SLC17A4: variants seen among roughly 807,000 people sequenced by gnomAD.
SLC17A4 encodes the protein solute carrier family 17 member 4.
In SLC17A4, 33 loss-of-function variants were observed where a neutral mutation model predicts 52.5. That is an observed-to-expected ratio of 0.63 (90% CI 0.48 to 0.84). The LOEUF is 0.84. SLC17A4 is among the 40% of genes least tolerant of loss of function. The probability of loss-of-function intolerance (pLI) is 0.00; values close to 1 mark genes in which losing one functional copy is unlikely to be tolerated. For missense variants in SLC17A4, 585 were observed against 597.1 expected (o/e 0.98, Z 0.21); for synonymous variants, 225 against 216.2 (o/e 1.04, Z -0.36).
intron 2 of SLC17A4, among the ~76,000 whole-genome samples, chr6:25,764,682 C>G (rs1761854094): frequency 6.6e-6 from 1 of 152,120 alleles, no homozygotes; most frequent in Non-Finnish European, 1.5e-5. Flanking sequence ...GTGGCAGTGT[C>G]CAGAAGCTGG....
chr6:25,779,342 G>T lies in SLC17A4; in HGVS notation c.*154G>T, dbSNP rs989951506. On this transcript the variant is annotated 3_prime_UTR_variant, in exon 12 of 12. Coordinates refer to ENST00000377905, the MANE Select transcript of SLC17A4 (RefSeq NM_005495.3). ...TTACCATGCCTGGAAATTTTACAGG[G>T]GAAGAAAACACGCTAGTTATTTAAC... 1.0e-4 allele frequency: 101 copies of T among 998,368 alleles called. No homozygotes were observed. In the East Asian group the frequency reaches 2.7e-3, roughly 26 times the overall value. The allele number at this position is 998,368 out of a possible 1,614,324, so 61.8% of individuals were successfully genotyped here.
At chr6:25,773,246 C>A (rs1376158781) in intron 6 of SLC17A4, 29 bp from the exon 7 acceptor site, 1 of 1,541,312 alleles carries the variant, frequency 6.5e-7, no homozygotes, top group South Asian at 1.1e-5. Context: ...TTCAATCCAT[C>A]CAGTGCTAAC....
chr6:25,769,983 A>G (rs1204651649), intron 3 of SLC17A4, 84 bp from the exon 4 acceptor site: 20 of 1,166,882 alleles, frequency 1.7e-5, no homozygotes, highest in Admixed American at 9.3e-5. Context: ...ATAACTGCCA[A>G]TTAATTTTTG....
At chr6:25,777,762 C>T in intron 10 of SLC17A4, 164 bp from the exon 11 acceptor site, 1 of 603,860 alleles carries the variant, frequency 1.7e-6, no homozygotes, top group East Asian at 2.7e-5. Context: ...TTCACCAAGG[C>T]TTACACAATT....
At chr6:25,763,345 A>G (rs1761716717) in intron 2 of SLC17A4, among the ~76,000 whole-genome samples, 1 of 152,224 alleles carries the variant, frequency 6.6e-6, no homozygotes, top group Admixed American at 6.5e-5. Context: ...AATAAGGCAG[A>G]ACCCCAGCTA....
chr6:25,763,964 A>G (rs4712969), intron 2 of SLC17A4, among the ~76,000 whole-genome samples: 138,479 of 152,236 alleles, frequency 0.91, 63,107 homozygotes, highest in East Asian at 0.98. Flanking sequence ...AGATTCCACA[A>G]ACGTTGGAAG....
At chr6:25,763,476 C>T (rs1301132285) in intron 2 of SLC17A4, among the ~76,000 whole-genome samples, 4 of 152,182 alleles carry the variant, frequency 2.6e-5, no homozygotes, top group African/African-American at 9.7e-5. Flanking sequence ...ATTCTCATCC[C>T]CTTCTCTGGC....
chr6:25,755,014 G>C (rs192499229), intron 1 of SLC17A4, among the ~76,000 whole-genome samples: 1 of 149,056 alleles, frequency 6.7e-6, no homozygotes, highest in Non-Finnish European at 1.5e-5. Flanking sequence ...TAAAAGTATA[G>C]CTGAACAGAG....
chr6:25,770,127 G>T lies in SLC17A4; in HGVS notation c.358G>T (p.Gly120Cys), dbSNP rs1364985330. 1.2e-6 allele frequency: 2 copies of T among 1,614,060 alleles called. No individual in the cohort carries two copies. Among genetic ancestry groups the T allele is most frequent in the Non-Finnish European group, 1.7e-6 (2 of 1,179,978 alleles). Residue 120 changes from glycine to cysteine, a missense_variant, in exon 4 of 12, where the codon GGC (glycine) becomes TGC (cysteine). Gly to Cys is a radical substitution (Grantham distance 159, BLOSUM62 -3). Coordinates refer to ENST00000377905, the MANE Select transcript of SLC17A4 (RefSeq NM_005495.3). ...AATCATCCTCAGCTCCCTCAACTAT[G>T]GCTCATTCTTGGCTCCAATCCCCAG... Reference protein sequence around the residue: ...QGIILSSLNYGSFLAPIPSGY... With the variant: ...QGIILSSLNYCSFLAPIPSGY...
chr6:25,762,066 A>G lies in SLC17A4; in HGVS notation c.91+13A>G. On this transcript the variant is annotated intron_variant, in intron 2 of 11. Transcript: ENST00000377905. ...TGCTCCAGGAAAGGTAAAATCATGC[A>G]CAGTAATCTGGTAGTAAATAAAACT... The G allele has an allele frequency of 6.2e-7, 1 of 1,608,658 alleles. No individual in the cohort carries two copies. Among genetic ancestry groups the G allele is most frequent in the African/African-American group, 1.3e-5 (1 of 74,920 alleles).
chr6:25,769,225 C>G, intron 3 of SLC17A4, 35 bp downstream of exon 3: 1 of 1,552,348 alleles, frequency 6.4e-7, no homozygotes, highest in Non-Finnish European at 8.9e-7. Context: ...CTTTCTTTGA[C>G]TCAAATAATT....
intron 8 of SLC17A4, among the ~76,000 whole-genome samples, chr6:25,773,897 T>G (rs966457011): frequency 1.3e-5 from 2 of 152,174 alleles, no homozygotes; most frequent in African/African-American, 4.8e-5. Context: ...AGTTTGATTT[T>G]CATACACTAT....
At position 25,771,868 on chromosome 6, in the gene SLC17A4, T is replaced by C. The variant is rs190722040; in HGVS notation, c.706+856T>C. On this transcript the variant is annotated intron_variant, in intron 6 of 11. Transcript: ENST00000377905. ...TGCTGCAGAAAGGTTCCAAAGACAC[T>C]TGGAAAGTTCCAGAGGCAGTATTTT... Among the ~76,000 whole-genome samples, 247 of 152,280 alleles carry C rather than the reference T, an allele frequency of 1.6e-3. 2 individuals carry two copies. Among genetic ancestry groups the C allele is most frequent in the Non-Finnish European group, 9.1e-4 (62 of 68,024 alleles).
rs201472019 is a variant in SLC17A4 at position 25,773,277 on chromosome 6, G to A, written c.709G>A (p.Gly237Arg). The A allele has an allele frequency of 2.7e-5, 44 of 1,612,974 alleles. No individual in the cohort carries two copies. Among genetic ancestry groups the A allele is most frequent in the Middle Eastern group, 1.6e-4 (1 of 6,076 alleles). ...CTAACTGGATCCCCTTTTCCTAGGA[G>A]GAATTGGCTGTGCTTGTTGTCCTCT... ...GWPYVFYIFG[G>R]IGCACCPLWF... is the part of the protein sequence containing the mutation. Residue 237 changes from glycine to arginine, a missense_variant and splice_region_variant, in exon 7 of 12, where the codon GGA becomes AGA. Gly to Arg is a moderately radical substitution (Grantham distance 125, BLOSUM62 -2). Transcript: ENST00000377905.
In SLC17A4 at chr6:25,773,381, A is replaced by C; in HGVS notation, c.813A>C (p.Ser271=). 6.2e-7 allele frequency: 1 copy of C among 1,613,822 alleles called. No individual in the cohort carries two copies. Among genetic ancestry groups the C allele is most frequent in the African/African-American group, 1.3e-5 (1 of 75,030 alleles). The part of the protein sequence containing the change: ...SAGEKRYIVC[S]LAQQDCSPGW... Reference sequence around the variant, plus strand: ...GTGAGAAGAGATACATTGTGTGTTCATTGGCTCAGCAGGTACATTGAGGAA... The same window carrying C: ...GTGAGAAGAGATACATTGTGTGTTCCTTGGCTCAGCAGGTACATTGAGGAA... Residue 271 remains serine, a synonymous_variant, in exon 7 of 12, where the codon TCA becomes TCC. Coordinates refer to ENST00000377905, the MANE Select transcript of SLC17A4 (RefSeq NM_005495.3).
chr6:25,773,795 T>C (rs1762674721), intron 8 of SLC17A4, 121 bp downstream of exon 8: 4 of 948,060 alleles, frequency 4.2e-6, no homozygotes, highest in Non-Finnish European at 6.2e-6. Context: ...AGGCAGGACC[T>C]CCATATAGGA....
chr6:25,778,078 C>T (rs2151465203), intron 11 of SLC17A4, 62 bp downstream of exon 11: 2 of 1,254,986 alleles, frequency 1.6e-6, no homozygotes, highest in East Asian at 2.3e-5. Context: ...GGTTTTTTCA[C>T]ATATGCACGG....
intron 5 of SLC17A4, 37 bp downstream of exon 5, chr6:25,770,508 T>C (rs1762394693): frequency 6.3e-7 from 1 of 1,592,564 alleles, no homozygotes; most frequent in Non-Finnish European, 8.6e-7. Flanking sequence ...ACATGCACTG[T>C]CCAGGAGAAC....
Position 25,769,132 on chromosome 6 carries a change from G to C in SLC17A4, c.239G>C (p.Arg80Pro). The C allele has an allele frequency of 6.2e-7, 1 of 1,613,996 alleles. No individual in the cohort carries two copies. The highest frequency in any genetic ancestry group is 8.5e-7 in the Non-Finnish European group (1 of 1,179,974). ...AGCCAGCCCAATGCTTCCACAGAAC[G>C]GCCCTCCACTGACTCCCAGGGCTAC... ...PPSQPNASTE[R>P]PSTDSQGYWN... The change falls in exon 3 of 12, where the codon CGG (arginine) becomes CCG (proline). Residue 80 changes from arginine (R) to proline (P), a missense_variant. Arg to Pro is a moderately radical substitution (Grantham distance 103). Transcript: ENST00000377905.
Sources: gnomAD v4.1 joint callset for allele counts (sites outside exome capture counted in the v4.1 genomes callset) on GRCh38, gnomAD v4.1.1 for gene constraint, MANE v1.5 for transcripts, NCBI Gene and HGNC (gene_info 2026-07-23, HGNC 2026-07-21) for gene names.